Variants in RNF141 observed in about 807,000 individuals in gnomAD.
RNF141 encodes the protein C3HC4-like zinc finger protein.
Under a neutral mutation model 27.4 loss-of-function variants are expected in RNF141, and 18 were observed. The observed-to-expected ratio is 0.66, with a 90% CI of 0.45 to 0.97. RNF141 has a LOEUF of 0.97. Ranked by LOEUF, RNF141 falls within the 50% of genes least tolerant of loss-of-function variation. RNF141 has a pLI of 0.00. For synonymous variants in RNF141, 97 were observed against 96.6 expected, an observed-to-expected ratio of 1.00 and a Z score of -0.02; for missense variants, 230 against 279.4, an observed-to-expected ratio of 0.82 and a Z score of 1.26.
intron 3 of RNF141, among the ~76,000 whole-genome samples, chr11:10,526,234 A>G (rs1215493664): frequency 1.3e-5 from 2 of 152,220 alleles, no homozygotes; most frequent in African/African-American, 4.8e-5. Context: ...ATATCAGAGT[A>G]AGAACAAGCA....
chr11:10,530,897 G>T, intron 2 of RNF141, 146 bp from the exon 3 acceptor site: 1 of 503,004 alleles, frequency 2.0e-6, no homozygotes, highest in South Asian at 3.4e-5. Context: ...TATAATAACT[G>T]GATTCTTAAA....
chr11:10,518,059 A>AT (rs2133965509), intron 5 of RNF141, among the ~76,000 whole-genome samples: 1 of 152,328 alleles, frequency 6.6e-6, no homozygotes, highest in East Asian at 1.9e-4. Context: ...TATACAGCGT[A>AT]TGTGGATAGG....
chr11:10,512,269 G>A lies in RNF141; in HGVS notation c.*2647C>T, dbSNP rs1328754609. 1 of 152,566 alleles carries A rather than the reference G, an allele frequency of 6.6e-6. No individual in the cohort carries two copies. Among genetic ancestry groups the A allele is most frequent in the Admixed American group, 6.5e-5 (1 of 15,272 alleles). 9.5% of individuals were successfully genotyped at this position (152,566 alleles called of 1,614,324 possible). A position where few individuals can be genotyped will look rare whatever the true frequency, so the allele number is the denominator to read the frequency against. On this transcript the variant is annotated 3_prime_UTR_variant, in exon 6 of 6. Transcript: ENST00000265981. ...CATTAAACAAATTTACAACTTTTAC[G>A]ATTAGTTATTACAGTAGAACTGACC...
chr11:10,516,211 C>T (rs1849841764), intron 5 of RNF141: 1 of 152,200 alleles, frequency 6.6e-6, no homozygotes, highest in Non-Finnish European at 1.5e-5. Flanking sequence ...CTCTTCTGTG[C>T]ACAAAACATC....
chr11:10,520,496 G>A (rs1849880007), intron 4 of RNF141, among the ~76,000 whole-genome samples: 2 of 152,134 alleles, frequency 1.3e-5, no homozygotes, highest in African/African-American at 4.8e-5. Flanking sequence ...TAACATGCAC[G>A]GAGCTGTCAT....
In RNF141 at chr11:10,513,395, T is replaced by A. The variant is rs967949700; in HGVS notation, c.*1521A>T. On this transcript the variant is annotated 3_prime_UTR_variant, in exon 6 of 6. Transcript: ENST00000265981. Reference sequence around the variant, plus strand: ...GGAAAATAGTAATATTTGCAACTTATGAATGATAAGTCAGAAAAGTTACAT... The same window carrying A: ...GGAAAATAGTAATATTTGCAACTTAAGAATGATAAGTCAGAAAAGTTACAT... The A allele has an allele frequency of 9.9e-5, 15 of 152,188 alleles. No individual in the cohort carries two copies. The highest frequency in any genetic ancestry group is 3.1e-4 in the African/African-American group (13 of 41,450). The allele number at this position is 152,188 out of a possible 1,614,324, so 9.4% of individuals were successfully genotyped here. A position where few individuals can be genotyped will look rare whatever the true frequency, so the allele number is the denominator to read the frequency against.
At chr11:10,528,001 C>G (rs1281093845) in intron 3 of RNF141, among the ~76,000 whole-genome samples, 1 of 152,170 alleles carries the variant, frequency 6.6e-6, no homozygotes, top group Admixed American at 6.5e-5. Flanking sequence ...TAATATAATT[C>G]ATGTAGTTCT....
chr11:10,515,707 AT>A (rs1397961056), intron 5 of RNF141: 4 of 152,190 alleles, frequency 2.6e-5, no homozygotes, highest in Non-Finnish European at 5.9e-5. Flanking sequence ...AAGAAAGGAT[AT>A]TATTAATTAT....
At position 10,514,865 on chromosome 11, in the gene RNF141, A is replaced by G; in HGVS notation, c.*51T>C. The G allele has an allele frequency of 1.3e-6, 2 of 1,551,466 alleles. No homozygotes were observed. The highest frequency in any genetic ancestry group is 1.7e-6 in the Non-Finnish European group (2 of 1,146,998). On this transcript the variant is annotated 3_prime_UTR_variant, in exon 6 of 6. Transcript: ENST00000265981. ...TGCCACAACCCTACATTCTTCCCCC[A>G]TGACCAAATATTTGAGCCCACAATA... is the stretch of plus-strand genomic sequence containing the variant.
At chr11:10,520,851 T>A (rs936547962) in intron 4 of RNF141, among the ~76,000 whole-genome samples, 1 of 152,208 alleles carries the variant, frequency 6.6e-6, no homozygotes, top group Non-Finnish European at 1.5e-5. Flanking sequence ...CCATCACATA[T>A]GCAGTCTGTG....
intron 1 of RNF141, among the ~76,000 whole-genome samples, chr11:10,540,500 C>T (rs1383538886): frequency 6.6e-6 from 1 of 152,184 alleles, no homozygotes; most frequent in Non-Finnish European, 1.5e-5. Context: ...TTATTATTAG[C>T]AAGAAAACGT....
At chr11:10,525,815 C>A (rs2133970342) in intron 3 of RNF141, among the ~76,000 whole-genome samples, 1 of 152,154 alleles carries the variant, frequency 6.6e-6, no homozygotes. Flanking sequence ...TATTTTGTAC[C>A]AAAACTTCTA....
chr11:10,532,516 CA>C (rs1849995875), intron 2 of RNF141, among the ~76,000 whole-genome samples: 2 of 145,746 alleles, frequency 1.4e-5, no homozygotes, highest in African/African-American at 4.9e-5. Flanking sequence ...CACACACACA[CA>C]CACACACACA....
rs746526993 is a variant in RNF141, at chr11:10,534,084, C to T, written c.75G>A (p.Thr25=). Residue 25 remains threonine, a synonymous_variant, in exon 2 of 6, where the codon ACG becomes ACA. Transcript: ENST00000265981. ...KLPEKVAKHV[T]LVRESGSLTY... is the part of the protein sequence containing the mutation. ...TTAAGGAGCCACTCTCTCGAACCAA[C>T]GTAACATGTTTTGCTACTTTTTCTG... The T allele has an allele frequency of 9.9e-6, 16 of 1,613,624 alleles. No homozygotes were observed. The highest frequency in any genetic ancestry group is 1.1e-5 in the Non-Finnish European group (13 of 1,179,628).
intron 5 of RNF141, chr11:10,518,466 CTGAA>C (rs10602390): frequency 0.29 from 44,120 of 151,838 alleles, 6,700 homozygotes; most frequent in Middle Eastern, 0.37. Flanking sequence ...GGTAATTAGA[CTGAA>C]TGAAAGAAGC....
At chr11:10,535,309 A>G (rs1348838830) in intron 1 of RNF141, among the ~76,000 whole-genome samples, 1 of 151,710 alleles carries the variant, frequency 6.6e-6, no homozygotes, top group Admixed American at 6.6e-5. Context: ...ACTGTATTTG[A>G]AGTTAATTCC....
At chr11:10,535,962 G>A (rs910237406) in intron 1 of RNF141, among the ~76,000 whole-genome samples, 1 of 152,178 alleles carries the variant, frequency 6.6e-6, no homozygotes, top group African/African-American at 2.4e-5. Context: ...CAAGTAGCAC[G>A]TGCCTGGTGC....
chr11:10,521,376 T>G (rs1469811845), intron 4 of RNF141, among the ~76,000 whole-genome samples: 1 of 152,242 alleles, frequency 6.6e-6, no homozygotes, highest in East Asian at 1.9e-4. Flanking sequence ...AAATGCTTCT[T>G]GAAGTGATTT....
At chr11:10,539,814 A>C (rs985698758) in intron 1 of RNF141, among the ~76,000 whole-genome samples, 1 of 150,532 alleles carries the variant, frequency 6.6e-6, no homozygotes, top group African/African-American at 2.4e-5. Flanking sequence ...TATTGGAAAA[A>C]GCATATTAGA....
Sources: allele counts gnomAD v4.1 joint callset (sites outside exome capture counted in the v4.1 genomes callset), GRCh38; gene constraint gnomAD v4.1.1; transcripts MANE v1.5; gene names NCBI Gene and HGNC (gene_info 2026-07-23, HGNC 2026-07-21).